KCNJ10: variants seen among roughly 807,000 people sequenced by gnomAD.
KCNJ10 encodes potassium inwardly rectifying channel subfamily J member 10, also known as ATP-sensitive inward rectifier potassium channel 10.
KCNJ10 carries 9 observed loss-of-function variants against 22.2 expected under a neutral mutation model. That is an observed-to-expected ratio of 0.40 (90% CI 0.24 to 0.71). The LOEUF is 0.71. KCNJ10 is among the 30% of genes least tolerant of loss of function. KCNJ10 has a pLI of 0.35. For missense variants in KCNJ10, 337 were observed against 482.7 expected (o/e 0.70, Z 2.83); for synonymous variants, 184 against 187.3 (o/e 0.98, Z 0.15).
chr1:160,042,489 G>C lies in KCNJ10; in HGVS notation c.44C>G (p.Thr15Arg), dbSNP rs1010999260. ...AKVYYSQTTQ[T>R]ESRPLMGPGI... is the part of the protein sequence containing the mutation. ...TGGGCCCATTAGGGGCCGGCTTTCT[G>C]TCTGAGTGGTCTGACTGTAATACAC... Residue 15 changes from threonine (T) to arginine (R), a missense_variant, in exon 2 of 2, where the codon ACA becomes AGA. Physicochemically the swap from Thr to Arg is moderately conservative, Grantham distance 71. Transcript: ENST00000644903. 6.2e-7 allele frequency: 1 copy of C among 1,614,144 alleles called. No homozygotes were observed. Among genetic ancestry groups the C allele is most frequent in the Non-Finnish European group, 8.5e-7 (1 of 1,180,030 alleles).
intron 1 of KCNJ10, among the ~76,000 whole-genome samples, chr1:160,048,926 C>T (rs1026373231): frequency 2.0e-5 from 3 of 152,208 alleles, no homozygotes; most frequent in Non-Finnish European, 4.4e-5. Flanking sequence ...TCAAATCCAT[C>T]CTACATTGCT....
At chr1:160,051,326 A>G (rs1270021319) in intron 1 of KCNJ10, among the ~76,000 whole-genome samples, 4 of 152,080 alleles carry the variant, frequency 2.6e-5, no homozygotes, top group African/African-American at 9.7e-5. Flanking sequence ...GGAAGGAGAG[A>G]TGGAGGGGAA....
In KCNJ10 at chr1:160,041,277, AGG is replaced by A; in HGVS notation, c.*114_*115del. 1 of 1,059,716 alleles carries A rather than the reference AGG, an allele frequency of 9.4e-7. No homozygotes were observed. Among genetic ancestry groups the A allele is most frequent in the East Asian group, 2.6e-5 (1 of 38,748 alleles). The allele number at this position is 1,059,716 out of a possible 1,614,324, so 65.6% of individuals were successfully genotyped here. On this transcript the variant is annotated 3_prime_UTR_variant, in exon 2 of 2. Coordinates refer to ENST00000644903, the MANE Select transcript of KCNJ10 (RefSeq NM_002241.5). This position sits in a 1 kb window ranked among gnomAD's most constrained non-coding sequence, Gnocchi z 4.4. ...CCAACAGGCCACTGGGTTAAAGAAGAGGGAGTGGAGGATGGGTGCTTCGGGGG... is the reference window on the plus strand; with the variant it reads ...CCAACAGGCCACTGGGTTAAAGAAGAGAGTGGAGGATGGGTGCTTCGGGGG...
intron 1 of KCNJ10, among the ~76,000 whole-genome samples, chr1:160,049,592 G>A (rs1266495411): frequency 2.0e-5 from 3 of 147,414 alleles, no homozygotes; most frequent in Non-Finnish European, 4.5e-5. Context: ...TACCCGTAAT[G>A]GCACCGCTCT....
chr1:160,040,447 A>T lies in KCNJ10; in HGVS notation c.*946T>A. 1 of 398,470 alleles carries T rather than the reference A, an allele frequency of 2.5e-6. No homozygotes were observed. The highest frequency in any genetic ancestry group is 4.4e-6 in the Non-Finnish European group (1 of 225,972). The allele number at this position is 398,470 out of a possible 1,614,324, so 24.7% of individuals were successfully genotyped here. On this transcript the variant is annotated 3_prime_UTR_variant, in exon 2 of 2. Transcript: ENST00000644903. ...TAAGGAAGAAGGATCTAGGCTGAGC[A>T]GGAAAGGAAGAAGAGAAGCCAGGTA...
intron 1 of KCNJ10, among the ~76,000 whole-genome samples, chr1:160,051,503 T>G (rs1037744012): frequency 1.3e-5 from 2 of 152,176 alleles, no homozygotes; most frequent in Non-Finnish European, 2.9e-5. Flanking sequence ...TGCCTCTTCC[T>G]GGCTGGATTC....
chr1:160,067,742 G>A (rs1018164929), intron 1 of KCNJ10, among the ~76,000 whole-genome samples: 2 of 152,150 alleles, frequency 1.3e-5, no homozygotes, highest in Non-Finnish European at 2.9e-5. Flanking sequence ...CCAATGCCAG[G>A]AGGCTCGGCC....
At chr1:160,053,411 G>C (rs1648950666) in intron 1 of KCNJ10, among the ~76,000 whole-genome samples, 2 of 152,336 alleles carry the variant, frequency 1.3e-5, no homozygotes, top group South Asian at 2.1e-4. Context: ...AGGGGTAAGA[G>C]AGGAAGGGCA....
rs1054345320 is a variant in KCNJ10, at chr1:160,039,362, A to C, written c.*2031T>G. On this transcript the variant is annotated 3_prime_UTR_variant, in exon 2 of 2. Coordinates refer to ENST00000644903, the MANE Select transcript of KCNJ10 (RefSeq NM_002241.5). ...GATGGAGGTTAACTTGGCAATGGAT[A>C]GGAAGGTATAGACACACACACACAC... is the stretch of plus-strand genomic sequence containing the variant. 6.9e-6 allele frequency: 1 copy of C among 145,840 alleles called. No individual in the cohort carries two copies. The allele number at this position is 145,840 out of a possible 1,614,324, so 9.0% of individuals were successfully genotyped here.
At chr1:160,054,408 G>A (rs551342376) in intron 1 of KCNJ10, among the ~76,000 whole-genome samples, 26 of 152,300 alleles carry the variant, frequency 1.7e-4, no homozygotes, top group African/African-American at 5.8e-4. Context: ...CACCTCAGAA[G>A]AACATCTACT....
At chr1:160,043,354 A>G (rs1055200778) in intron 1 of KCNJ10, among the ~76,000 whole-genome samples, 38 of 151,564 alleles carry the variant, frequency 2.5e-4, no homozygotes, top group African/African-American at 7.8e-4. Context: ...CCCCAAGCCA[A>G]TACCCACTGG....
intron 1 of KCNJ10, among the ~76,000 whole-genome samples, chr1:160,043,470 T>G (rs544644746): frequency 6.3e-4 from 96 of 152,306 alleles, no homozygotes; most frequent in African/African-American, 2.2e-3. Context: ...TTTATCATCA[T>G]CATCATCATC....
At chr1:160,058,043 CCAAA>C (rs1246552254) in intron 1 of KCNJ10, among the ~76,000 whole-genome samples, 3 of 152,154 alleles carry the variant, frequency 2.0e-5, no homozygotes, top group East Asian at 1.9e-4. Context: ...CCCCATCTTC[CCAAA>C]CAGAGAACCT....
intron 1 of KCNJ10, among the ~76,000 whole-genome samples, chr1:160,048,166 C>G (rs1648791658): frequency 6.7e-6 from 1 of 150,372 alleles, no homozygotes; most frequent in Non-Finnish European, 1.5e-5. Context: ...TCCCCAGTGC[C>G]TAGTATAGTT....
At position 160,041,699 on chromosome 1, in the gene KCNJ10, C is replaced by T; in HGVS notation, c.834G>A (p.Glu278=). 4 of 1,614,196 alleles carry T rather than the reference C, an allele frequency of 2.5e-6. No homozygotes were observed. Among genetic ancestry groups the T allele is most frequent in the Non-Finnish European group, 3.4e-6 (4 of 1,180,034 alleles). ...CTGTCCCACTTAGGATCAGCACCAG[C>T]TCAAAGTCACCCTCACCACTGCGAA... is the stretch of plus-strand genomic sequence containing the variant. ...LPLRSGEGDF[E]LVLILSGTVE... is the part of the protein sequence containing the mutation. Residue 278 remains glutamate, a synonymous_variant, in exon 2 of 2, where the codon GAG becomes GAA. Transcript: ENST00000644903. The surrounding 1 kb of genome is among the most constrained non-coding windows in gnomAD (Gnocchi z 4.4).
intron 1 of KCNJ10, among the ~76,000 whole-genome samples, chr1:160,053,383 G>A (rs529402932): frequency 9.8e-5 from 15 of 152,328 alleles, no homozygotes; most frequent in African/African-American, 3.6e-4. Context: ...GAGGGTTGGG[G>A]AAGAGAAAAT....
intron 1 of KCNJ10, among the ~76,000 whole-genome samples, chr1:160,045,869 A>T (rs1648731468): frequency 6.6e-6 from 1 of 152,232 alleles, no homozygotes; most frequent in Non-Finnish European, 1.5e-5. Context: ...TTGTCCTTTG[A>T]GCTCCAAGAG....
At chr1:160,062,199 TC>T (rs1649216817) in intron 1 of KCNJ10, among the ~76,000 whole-genome samples, 1 of 151,242 alleles carries the variant, frequency 6.6e-6, no homozygotes, top group African/African-American at 2.4e-5. Context: ...CTCCTGCCCA[TC>T]CCCCCTGGCC....
At chr1:160,052,589 C>T (rs1301115289) in intron 1 of KCNJ10, among the ~76,000 whole-genome samples, 2 of 152,118 alleles carry the variant, frequency 1.3e-5, no homozygotes, top group Non-Finnish European at 2.9e-5. Context: ...CTGTCCATGC[C>T]CAGTATTCTG....
Sources: gnomAD v4.1 joint callset for allele counts (sites outside exome capture counted in the v4.1 genomes callset) on GRCh38, gnomAD v4.1.1 for gene constraint, Gnocchi (gnomAD v3.1) non-coding constraint, MANE v1.5 for transcripts, NCBI Gene and HGNC (gene_info 2026-07-23, HGNC 2026-07-21) for gene names.